DNAJC6: variants seen among roughly 807,000 people sequenced by gnomAD.
DNAJC6 encodes DnaJ heat shock protein family (Hsp40) member C6.
A neutral mutation model predicts 110.0 loss-of-function variants in DNAJC6; 34 were observed. The ratio of observed to expected loss-of-function variants is 0.31; its 90% CI spans 0.24 to 0.41. The LOEUF (loss-of-function observed/expected upper bound fraction) is 0.41. Ranked by LOEUF, DNAJC6 falls within the 10% of genes least tolerant of loss-of-function variation. DNAJC6 has a pLI of 1.00. For synonymous variants in DNAJC6, 406 were observed against 437.2 expected (o/e 0.93, Z 0.89); for missense variants, 1,031 against 1,207.8 (o/e 0.85, Z 2.17).
At chr1:65,408,530 G>A in intron 16 of DNAJC6, 111 bp from the exon 17 acceptor site, 1 of 1,211,240 alleles carries the variant, frequency 8.3e-7, no homozygotes, top group South Asian at 1.5e-5. Context: ...TGAGGGTTAA[G>A]GACTGAATGC....
chr1:65,413,334 C>G lies in DNAJC6; in HGVS notation c.*309C>G. On this transcript the variant is annotated 3_prime_UTR_variant, in exon 19 of 19. Coordinates refer to ENST00000371069, the MANE Select transcript of DNAJC6 (RefSeq NM_001256864.2). ...ACCTGGGGAAATGGAAAACAGAGGCCACCACCCATGAAGGCATAACACCCA... is the reference window on the plus strand; with the variant it reads ...ACCTGGGGAAATGGAAAACAGAGGCGACCACCCATGAAGGCATAACACCCA... 1.8e-5 allele frequency: 5 copies of G among 277,058 alleles called. No individual in the cohort carries two copies. Among genetic ancestry groups the G allele is most frequent in the South Asian group, 4.9e-5 (1 of 20,540 alleles). 17.2% of individuals were successfully genotyped at this position (277,058 alleles called of 1,614,324 possible). A position where few individuals can be genotyped will look rare whatever the true frequency, so the allele number is the denominator to read the frequency against.
chr1:65,381,504 G>A (rs924483225), intron 5 of DNAJC6, among the ~76,000 whole-genome samples: 4 of 151,410 alleles, frequency 2.6e-5, no homozygotes, highest in South Asian at 2.1e-4. Flanking sequence ...GGCTGAGATC[G>A]TGCCAGTGCA....
intron 1 of DNAJC6, among the ~76,000 whole-genome samples, chr1:65,291,390 CT>C (rs1247981220): frequency 6.6e-6 from 1 of 152,080 alleles, no homozygotes; most frequent in South Asian, 2.1e-4. Flanking sequence ...ATTCTTTCAG[CT>C]TTTTTGGTAT....
chr1:65,400,384 T>C (rs995402439), intron 14 of DNAJC6, among the ~76,000 whole-genome samples: 1 of 152,210 alleles, frequency 6.6e-6, no homozygotes, highest in African/African-American at 2.4e-5. Flanking sequence ...TAGATCATCA[T>C]TAACTAGAGT....
At chr1:65,362,362 T>C (rs956526369) in intron 1 of DNAJC6, among the ~76,000 whole-genome samples, 4 of 152,210 alleles carry the variant, frequency 2.6e-5, no homozygotes, top group African/African-American at 7.2e-5. Context: ...TAGTGCCTAT[T>C]ACGTGAATAT....
intron 1 of DNAJC6, among the ~76,000 whole-genome samples, chr1:65,290,889 G>C (rs1006854225): frequency 3.9e-5 from 6 of 152,154 alleles, no homozygotes; most frequent in African/African-American, 1.4e-4. Flanking sequence ...TGTTGTGTAG[G>C]AAAATGTCCC....
At chr1:65,402,483 G>A (rs969593933) in intron 15 of DNAJC6, among the ~76,000 whole-genome samples, 2 of 152,116 alleles carry the variant, frequency 1.3e-5, no homozygotes, top group Non-Finnish European at 2.9e-5. Flanking sequence ...TTACCACTAA[G>A]AGGGACACAG....
intron 1 of DNAJC6, among the ~76,000 whole-genome samples, chr1:65,271,336 G>A (rs1653498051): frequency 6.6e-6 from 1 of 152,084 alleles, no homozygotes; most frequent in Non-Finnish European, 1.5e-5. Flanking sequence ...TCACAGTGCT[G>A]TGCAATAGGA....
At chr1:65,266,038 G>T (rs1653313387) in intron 1 of DNAJC6, among the ~76,000 whole-genome samples, 1 of 152,234 alleles carries the variant, frequency 6.6e-6, no homozygotes. Flanking sequence ...GCTTGGGTGC[G>T]CAGGTGGGGG....
intron 1 of DNAJC6, among the ~76,000 whole-genome samples, chr1:65,271,895 A>G (rs565715424): frequency 6.1e-4 from 92 of 152,024 alleles, no homozygotes; most frequent in African/African-American, 2.1e-3. Context: ...AGAAAGAAAT[A>G]GAATTGATTT....
chr1:65,307,018 C>CTATATATATATATATA (rs71056097), upstream of DNAJC6, among the ~76,000 whole-genome samples: 2 of 70,700 alleles, frequency 2.8e-5, no homozygotes, highest in African/African-American at 1.1e-4. Context: ...CTCTCTCTCT[C>CTATATATATATATATA]TATATATATA....
intron 1 of DNAJC6, among the ~76,000 whole-genome samples, chr1:65,277,070 T>A (rs1653695894): frequency 1.3e-5 from 2 of 152,218 alleles, no homozygotes; most frequent in African/African-American, 4.8e-5. Flanking sequence ...CTGGCTTTTC[T>A]AATTTCCCTC....
At chr1:65,276,565 A>C (rs1181884078) in intron 1 of DNAJC6, among the ~76,000 whole-genome samples, 1 of 152,122 alleles carries the variant, frequency 6.6e-6, no homozygotes, top group Non-Finnish European at 1.5e-5. Flanking sequence ...ACTGACTGAG[A>C]GTCTGAGATG....
chr1:65,287,143 G>T (rs1375219669), intron 1 of DNAJC6, among the ~76,000 whole-genome samples: 1 of 152,194 alleles, frequency 6.6e-6, no homozygotes, highest in Admixed American at 6.5e-5. Context: ...AAAGAATAGG[G>T]TAGATTGGAA....
intron 1 of DNAJC6, among the ~76,000 whole-genome samples, chr1:65,347,314 A>G (rs921520746): frequency 6.6e-6 from 1 of 152,130 alleles, no homozygotes; most frequent in African/African-American, 2.4e-5. Context: ...CTTTGGTTTC[A>G]GTAGACCTCA....
At chr1:65,303,563 TC>T (rs1442374667) in intron 1 of DNAJC6, among the ~76,000 whole-genome samples, 2 of 104,224 alleles carry the variant, frequency 1.9e-5, no homozygotes, top group African/African-American at 8.3e-5. Context: ...GATTCTCTCT[TC>T]TTTTTTTTTT....
intron 18 of DNAJC6, 71 bp downstream of exon 18, chr1:65,411,497 C>A: frequency 6.9e-7 from 1 of 1,452,222 alleles, no homozygotes; most frequent in Non-Finnish European, 9.3e-7. Flanking sequence ...ATGTGTTTTA[C>A]TTTAAATGTG....
chr1:65,390,547 G>A (rs1645916726), intron 11 of DNAJC6, among the ~76,000 whole-genome samples: 1 of 152,190 alleles, frequency 6.6e-6, no homozygotes, highest in African/African-American at 2.4e-5. Flanking sequence ...AATACCCATT[G>A]GCTATCCTTG....
intron 1 of DNAJC6, chr1:65,279,193 T>C: frequency 1.0e-6 from 1 of 983,772 alleles, no homozygotes; most frequent in Non-Finnish European, 1.2e-6. Context: ...ATAACATTTC[T>C]ACAACTTTGG....
Sources: allele counts gnomAD v4.1 joint callset (sites outside exome capture counted in the v4.1 genomes callset), GRCh38; gene constraint gnomAD v4.1.1; transcripts MANE v1.5; gene names NCBI Gene and HGNC (gene_info 2026-07-23, HGNC 2026-07-21).